ACAP2: variants seen among roughly 807,000 people sequenced by gnomAD.
The protein encoded by ACAP2 is ArfGAP with coiled-coil, ankyrin repeat and PH domains 2, also known as arf-GAP with coiled-coil, ANK repeat and PH domain-containing protein 2.
Under a neutral mutation model 115.8 loss-of-function variants are expected in ACAP2, and 39 were observed. The observed-to-expected ratio is 0.34, with a 90% confidence interval of 0.26 to 0.44. ACAP2 has a LOEUF of 0.44. Ranked by LOEUF, ACAP2 falls within the 20% of genes least tolerant of loss-of-function variation. The probability of loss-of-function intolerance (pLI) is 1.00; values close to 1 mark genes in which losing one functional copy is unlikely to be tolerated. For synonymous variants in ACAP2, 289 were observed against 315.8 expected, an observed-to-expected ratio of 0.92 and a Z score of 0.90; for missense variants, 662 against 927.6, an observed-to-expected ratio of 0.71 and a Z score of 3.72.
At chr3:195,404,804 T>G (rs149121579) in intron 1 of ACAP2, among the ~76,000 whole-genome samples, 4,894 of 141,842 alleles carry the variant, frequency 0.035, 107 homozygotes, top group Non-Finnish European at 0.051. Flanking sequence ...AATTTTTTCT[T>G]TTTTTTTTTT....
At chr3:195,306,046 A>G (rs1296467296) in intron 13 of ACAP2, among the ~76,000 whole-genome samples, 5 of 152,024 alleles carry the variant, frequency 3.3e-5, no homozygotes, top group Non-Finnish European at 5.9e-5. Flanking sequence ...GCGTTGCCCA[A>G]AAGACTTTCT....
At chr3:195,321,334 C>A (rs371827546) in intron 9 of ACAP2, among the ~76,000 whole-genome samples, 1 of 149,676 alleles carries the variant, frequency 6.7e-6, no homozygotes, top group Non-Finnish European at 1.5e-5. Context: ...GTGATTCTCC[C>A]GTCTCAGTCT....
At chr3:195,296,753 C>A (rs1177515893) in intron 16 of ACAP2, among the ~76,000 whole-genome samples, 1 of 152,146 alleles carries the variant, frequency 6.6e-6, no homozygotes, top group Non-Finnish European at 1.5e-5. Context: ...ATCTTTAGTT[C>A]TTCAATATTA....
rs937971556 is a variant in ACAP2 at position 195,295,751 on chromosome 3, T to C, written c.1629A>G (p.Lys543=). 6.2e-7 allele frequency: 1 copy of C among 1,614,160 alleles called. No homozygotes were observed. The change falls in exon 17 of 23, where the codon AAA becomes AAG. Residue 543 remains lysine, a synonymous_variant. Transcript: ENST00000326793. ...SSEEKRLSIS[K]FGPGDQVRAS... The stretch of plus-strand genomic sequence containing the variant: ...CTCTGACTTGGTCCCCTGGCCCAAA[T>C]TTAGAAATGCTCAGCCTCTTTTCTT...
chr3:195,377,027 C>G (rs75095042), intron 4 of ACAP2, among the ~76,000 whole-genome samples: 3,243 of 151,396 alleles, frequency 0.021, 114 homozygotes, highest in East Asian at 0.1. Context: ...TAACAAATGG[C>G]TCTGAGACCA....
At chr3:195,436,420 C>A (rs937987516) in intron 1 of ACAP2, among the ~76,000 whole-genome samples, 11 of 152,106 alleles carry the variant, frequency 7.2e-5, no homozygotes, top group Non-Finnish European at 1.3e-4. Flanking sequence ...AGGAGTGAGC[C>A]ACCATGCCCA....
intron 15 of ACAP2, among the ~76,000 whole-genome samples, chr3:195,299,944 T>C (rs114216721): frequency 0.014 from 2,030 of 148,220 alleles, 33 homozygotes; most frequent in African/African-American, 0.045. Context: ...AAAAATATTC[T>C]TATAAAAATG....
At chr3:195,399,233 G>A (rs1712060992) in intron 1 of ACAP2, among the ~76,000 whole-genome samples, 1 of 152,128 alleles carries the variant, frequency 6.6e-6, no homozygotes, top group Non-Finnish European at 1.5e-5. Flanking sequence ...CTTCTCAAAA[G>A]TCTCCTCTGC....
At chr3:195,282,088 C>A (rs924889502) in intron 22 of ACAP2, 1 of 152,188 alleles carries the variant, frequency 6.6e-6, no homozygotes, top group African/African-American at 2.4e-5. Context: ...CAGATGAGCA[C>A]TGTTAAGTAT....
chr3:195,370,922 A>G (rs1304302464), intron 4 of ACAP2, among the ~76,000 whole-genome samples: 1 of 149,506 alleles, frequency 6.7e-6, no homozygotes, highest in Admixed American at 6.7e-5. Context: ...ATTGCACTCC[A>G]GTCTGGGCAG....
At chr3:195,403,358 T>C (rs1463352542) in intron 1 of ACAP2, among the ~76,000 whole-genome samples, 1 of 152,218 alleles carries the variant, frequency 6.6e-6, no homozygotes, top group Admixed American at 6.5e-5. Context: ...AGGTAACCAC[T>C]GAAAGGTCTG....
In ACAP2 at chr3:195,276,578, A is replaced by G. The variant is rs1019779291; in HGVS notation, c.*2750T>C. 1 of 152,258 alleles carries G rather than the reference A, an allele frequency of 6.6e-6. No individual in the cohort carries two copies. The highest frequency in any genetic ancestry group is 2.4e-5 in the African/African-American group (1 of 41,472). The allele number at this position is 152,258 out of a possible 1,614,324, so 9.4% of individuals were successfully genotyped here. A position where few individuals can be genotyped will look rare whatever the true frequency, so the allele number is the denominator to read the frequency against. ...TGAGCTAACAGATTAATAATAAGGA[A>G]TAAGAAACTAATAATAGCAGATAAG... On this transcript the variant is annotated 3_prime_UTR_variant, in exon 23 of 23. Transcript: ENST00000326793.
chr3:195,404,578 A>G (rs1450287726), intron 1 of ACAP2, among the ~76,000 whole-genome samples: 1 of 151,916 alleles, frequency 6.6e-6, no homozygotes, highest in Non-Finnish European at 1.5e-5. Context: ...CATTCCGCGA[A>G]GCTAAATGTA....
intron 8 of ACAP2, among the ~76,000 whole-genome samples, chr3:195,328,246 GGAGA>G (rs1255323419): frequency 2.0e-5 from 3 of 152,006 alleles, no homozygotes. Context: ...GCAGGAATAT[GGAGA>G]AAGATAAGCA....
At chr3:195,282,568 A>G (rs1001724246) in intron 22 of ACAP2, 1 of 152,228 alleles carries the variant, frequency 6.6e-6, no homozygotes, top group Admixed American at 6.5e-5. Context: ...TAATATTTAA[A>G]TATAATTTTG....
At chr3:195,323,715 A>ACT (rs1452189902) in intron 9 of ACAP2, among the ~76,000 whole-genome samples, 1 of 151,966 alleles carries the variant, frequency 6.6e-6, no homozygotes, top group African/African-American at 2.4e-5. Context: ...AAACAACTGG[A>ACT]CTCAGGGAGC....
rs10690317 is a variant in ACAP2 at position 195,425,026 on chromosome 3, CAAAAAAAAAAAAAAA to C, written c.53+17754_53+17768del. Among the ~76,000 whole-genome samples the C allele has an allele frequency of 1.9e-4, 5 of 26,654 alleles. 1 individual carries two copies. The highest frequency in any genetic ancestry group is 1.9e-3 in the East Asian group (2 of 1,042). The allele number at this position is 26,654 out of a possible 152,430, so 17.5% of individuals were successfully genotyped here. A position where few individuals can be genotyped will look rare whatever the true frequency, so the allele number is the denominator to read the frequency against. On this transcript the variant is annotated intron_variant, in intron 1 of 22. Transcript: ENST00000326793. ...TGGGCGACAGAGCGAGACTCCGTCT[CAAAAAAAAAAAAAAA>C]AAAAAAAAAAAAAGAGTTGATTGAG... is the stretch of plus-strand genomic sequence containing the variant.
chr3:195,332,917 C>T (rs1250730477), intron 8 of ACAP2, 111 bp downstream of exon 8: 29 of 670,818 alleles, frequency 4.3e-5, no homozygotes, highest in Non-Finnish European at 6.6e-5. Flanking sequence ...TCTCAGGCAG[C>T]TCTTTATAGC....
At chr3:195,289,543 G>A (rs146169892) in intron 20 of ACAP2, among the ~76,000 whole-genome samples, 1 of 152,162 alleles carries the variant, frequency 6.6e-6, no homozygotes, top group East Asian at 1.9e-4. Flanking sequence ...GCTCACGCCT[G>A]TAATCCCAGC....
Sources: allele counts gnomAD v4.1 joint callset (sites outside exome capture counted in the v4.1 genomes callset), GRCh38; gene constraint gnomAD v4.1.1; transcripts MANE v1.5; gene names NCBI Gene and HGNC (gene_info 2026-07-23, HGNC 2026-07-21).